Variants in GXYLT1 observed in about 807,000 individuals in gnomAD.
The protein encoded by GXYLT1 is glucoside xylosyltransferase 1.
GXYLT1 carries 29 observed loss-of-function variants against 54.0 expected under a neutral mutation model. That is an observed-to-expected ratio of 0.54 (90% CI 0.40 to 0.73). GXYLT1 has a LOEUF of 0.73. Ranked by LOEUF, GXYLT1 falls within the 30% of genes least tolerant of loss-of-function variation. The pLI is 0.00. For synonymous variants in GXYLT1, 176 were observed against 204.1 expected, an observed-to-expected ratio of 0.86 and a Z score of 1.17; for missense variants, 490 against 553.4, an observed-to-expected ratio of 0.89 and a Z score of 1.15.
intron 5 of GXYLT1, among the ~76,000 whole-genome samples, chr12:42,099,891 T>C (rs1565567507): frequency 6.6e-6 from 1 of 152,194 alleles, no homozygotes. Context: ...GATATCCTTA[T>C]CTTCATTTTA....
At chr12:42,103,465 T>G (rs2065401881) in intron 5 of GXYLT1, among the ~76,000 whole-genome samples, 3 of 152,176 alleles carry the variant, frequency 2.0e-5, no homozygotes, top group African/African-American at 7.2e-5. Context: ...TATAAGTAAC[T>G]CAGTTATATT....
At chr12:42,088,653 G>C (rs1210286583) in intron 7 of GXYLT1, among the ~76,000 whole-genome samples, 10 of 152,100 alleles carry the variant, frequency 6.6e-5, no homozygotes, top group Non-Finnish European at 2.9e-5. Context: ...AAAGGCTGTG[G>C]TAGTAAAGTG....
At chr12:42,095,633 G>A (rs2065351471) in intron 7 of GXYLT1, among the ~76,000 whole-genome samples, 1 of 152,166 alleles carries the variant, frequency 6.6e-6, no homozygotes. Context: ...GTAGGGGGCA[G>A]TTAGGATAAA....
intron 1 of GXYLT1, among the ~76,000 whole-genome samples, chr12:42,132,956 T>C (rs2065600659): frequency 6.6e-6 from 1 of 152,068 alleles, no homozygotes; most frequent in Non-Finnish European, 1.5e-5. Context: ...GTATGGTGGA[T>C]TAAGGATGAT....
chr12:42,120,535 T>C (rs2065524627), intron 2 of GXYLT1, among the ~76,000 whole-genome samples: 2 of 152,116 alleles, frequency 1.3e-5, no homozygotes, highest in Admixed American at 6.6e-5. Flanking sequence ...TTTACTTTTT[T>C]TTCCTTCTTT....
intron 5 of GXYLT1, 42 bp from the exon 6 acceptor site, chr12:42,098,075 TTAAAATGGCAGCA>T (rs760111659): frequency 3.0e-5 from 48 of 1,594,686 alleles, no homozygotes; most frequent in Non-Finnish European, 3.8e-5. Context: ...ACTTTCAGGC[TTAAAATGGCAGCA>T]TGATGACAGT....
rs1188871012 is a variant in GXYLT1, at chr12:42,140,200, CGGG to C, written c.221+4223_221+4225del. ...CATCTCAAAAAAAAAAAAAAAAAGG[CGGG>C]GGGGGGGGGACTTCACTAAAAACAG... On this transcript the variant is annotated intron_variant, in intron 1 of 7. Transcript: ENST00000398675. Among the ~76,000 whole-genome samples the C allele has an allele frequency of 3.7e-4, 14 of 38,112 alleles. 1 individual carries two copies. The East Asian group carries it at 5.4e-3, about 15-fold the overall frequency. The allele number at this position is 38,112 out of a possible 152,430, so 25.0% of individuals were successfully genotyped here. A position where few individuals can be genotyped will look rare whatever the true frequency, so the allele number is the denominator to read the frequency against.
chr12:42,127,281 G>A (rs570267021), intron 2 of GXYLT1, among the ~76,000 whole-genome samples: 1 of 152,032 alleles, frequency 6.6e-6, no homozygotes, highest in Non-Finnish European at 1.5e-5. Flanking sequence ...TAAATGTGAG[G>A]GAATCGTTAG....
chr12:42,121,860 C>CA lies in GXYLT1; in HGVS notation c.315-2690dup, dbSNP rs771048290. On this transcript the variant is annotated intron_variant, in intron 2 of 7. Transcript: ENST00000398675. ...ACAGGCTCAACTCCTAAACTGACCA[C>CA]AAAAAACACGGTTAAAAGATGTCTC... Among the ~76,000 whole-genome samples the CA allele has an allele frequency of 8.6e-5, 13 of 152,038 alleles. 1 individual carries two copies. Among genetic ancestry groups the CA allele is most frequent in the African/African-American group, 2.7e-4 (11 of 41,476 alleles).
Position 42,129,743 on chromosome 12 carries a change from AATATT to A in GXYLT1, c.314+11_314+15del. ...CTTATCTACACTGATCTACCAATTAAATATTAAGTGCCTACCTAAAAGCCGCTTCC... is the reference window on the plus strand; with the variant it reads ...CTTATCTACACTGATCTACCAATTAAAAGTGCCTACCTAAAAGCCGCTTCC... On this transcript the variant is annotated intron_variant, in intron 2 of 7. Transcript: ENST00000398675. The A allele has an allele frequency of 1.3e-6, 2 of 1,556,656 alleles. No homozygotes were observed. The highest frequency in any genetic ancestry group is 1.8e-6 in the Non-Finnish European group (2 of 1,128,028).
intron 2 of GXYLT1, among the ~76,000 whole-genome samples, chr12:42,126,638 A>C (rs1434381069): frequency 2.6e-5 from 4 of 152,138 alleles, no homozygotes; most frequent in Non-Finnish European, 4.4e-5. Flanking sequence ...CATGCCTGTA[A>C]TTCCAGTATT....
intron 1 of GXYLT1, among the ~76,000 whole-genome samples, chr12:42,130,788 A>G (rs2065589571): frequency 6.6e-6 from 1 of 152,106 alleles, no homozygotes; most frequent in Non-Finnish European, 1.5e-5. Context: ...CCGTCTCTAA[A>G]AATAAAAAAT....
At chr12:42,109,053 GAATA>G (rs778550679) in intron 4 of GXYLT1, among the ~76,000 whole-genome samples, 95 of 152,198 alleles carry the variant, frequency 6.2e-4, no homozygotes, top group Non-Finnish European at 1.2e-3. Context: ...CAGCCCCACT[GAATA>G]AATAGTTCCC....
chr12:42,098,205 T>C (rs1420130811), intron 5 of GXYLT1, among the ~76,000 whole-genome samples, 172 bp from the exon 6 acceptor site: 10 of 152,076 alleles, frequency 6.6e-5, no homozygotes, highest in Non-Finnish European at 1.3e-4. Context: ...GGCTGTACAG[T>C]AAAACAGAAG....
At chr12:42,096,729 C>A (rs547097535) in intron 7 of GXYLT1, among the ~76,000 whole-genome samples, 1 of 152,188 alleles carries the variant, frequency 6.6e-6, no homozygotes, top group Non-Finnish European at 1.5e-5. Context: ...AGAATGTTTA[C>A]ATGATTTTAA....
chr12:42,098,760 CATATATATATATATAT>C (rs60199719), intron 5 of GXYLT1, among the ~76,000 whole-genome samples: 3 of 96,918 alleles, frequency 3.1e-5, no homozygotes, highest in Non-Finnish European at 6.1e-5. Context: ...AAATTTAAAA[CATATATATATATATAT>C]ATATATATAA....
chr12:42,085,250 C>T lies in GXYLT1; in HGVS notation c.*2536G>A, dbSNP rs1420057022. On this transcript the variant is annotated 3_prime_UTR_variant, in exon 8 of 8. Coordinates refer to ENST00000398675, the MANE Select transcript of GXYLT1 (RefSeq NM_173601.2). ...TTTATGGTAAAATGATCAATTAGGTCAGGTCTAAATAAACCAGATGAAGAA... is the reference window on the plus strand; with the variant it reads ...TTTATGGTAAAATGATCAATTAGGTTAGGTCTAAATAAACCAGATGAAGAA... The T allele has an allele frequency of 1.5e-5, 2 of 135,716 alleles. No homozygotes were observed. The highest frequency in any genetic ancestry group is 2.7e-5 in the African/African-American group (1 of 36,804). 8.4% of individuals were successfully genotyped at this position (135,716 alleles called of 1,614,324 possible). A position where few individuals can be genotyped will look rare whatever the true frequency, so the allele number is the denominator to read the frequency against.
intron 1 of GXYLT1, among the ~76,000 whole-genome samples, chr12:42,139,203 TA>T (rs376475516): frequency 2.2e-4 from 32 of 143,044 alleles, no homozygotes; most frequent in Admixed American, 3.5e-4. Flanking sequence ...GTCTCAGAAA[TA>T]AAAAAAAAAA....
rs559801635 is a variant in GXYLT1, at chr12:42,117,226, T to C, written c.486+1774A>G. Among the ~76,000 whole-genome samples, 12 of 151,992 alleles carry C rather than the reference T, an allele frequency of 7.9e-5. No individual in the cohort carries two copies. In the South Asian group the frequency reaches 2.3e-3, roughly 29 times the overall value. On this transcript the variant is annotated intron_variant, in intron 3 of 7. Coordinates refer to ENST00000398675, the MANE Select transcript of GXYLT1 (RefSeq NM_173601.2). Reference sequence around the variant, plus strand: ...CATACCAGAATGGCACATGTATACATATGTAACAAACCTGCACATCATGCA... The same window carrying C: ...CATACCAGAATGGCACATGTATACACATGTAACAAACCTGCACATCATGCA...
Sources: allele counts gnomAD v4.1 joint callset (sites outside exome capture counted in the v4.1 genomes callset), GRCh38; gene constraint gnomAD v4.1.1; transcripts MANE v1.5; gene names NCBI Gene and HGNC (gene_info 2026-07-23, HGNC 2026-07-21).